The following CTBS variants were observed in gnomAD, a reference collection of about 807,000 sequenced individuals.
CTBS encodes chitobiase.
A neutral mutation model predicts 44.3 loss-of-function variants in CTBS; 35 were observed. That is an observed-to-expected ratio of 0.79 (90% CI 0.60 to 1.05). The LOEUF is 1.05. Among genes scored for constraint, CTBS ranks in the 50% least tolerant of loss-of-function variants. The pLI, the probability that CTBS is intolerant of heterozygous loss-of-function variation, is 0.00. For missense variants in CTBS, 458 were observed against 475.3 expected (o/e 0.96, Z 0.34); for synonymous variants, 143 against 168.0 (o/e 0.85, Z 1.15).
At chr1:84,574,080 C>T (rs1647394288) in intron 1 of CTBS, 159 bp downstream of exon 1, 2 of 1,451,748 alleles carry the variant, frequency 1.4e-6, no homozygotes, top group Admixed American at 2.8e-5. Flanking sequence ...CCCGAGCTTC[C>T]TCATCTATAA....
At chr1:84,573,853 G>C in intron 1 of CTBS, 1 of 1,074,324 alleles carries the variant, frequency 9.3e-7, no homozygotes, top group Non-Finnish European at 1.1e-6. Context: ...ATGTACTGTT[G>C]GAGTGCTGAG....
In CTBS at chr1:84,550,939, C is replaced by A; in HGVS notation, c.*4060G>T. 4.1e-6 allele frequency: 4 copies of A among 977,022 alleles called. No individual in the cohort carries two copies. Among genetic ancestry groups the A allele is most frequent in the Non-Finnish European group, 4.9e-6 (4 of 822,456 alleles). The allele number at this position is 977,022 out of a possible 1,614,324, so 60.5% of individuals were successfully genotyped here. On this transcript the variant is annotated 3_prime_UTR_variant, in exon 7 of 7. Transcript: ENST00000370630. Reference sequence around the variant, plus strand: ...TTTTCTGGTTATTTTCATATGTATTCTATTATTTAAATATGAATAATGTGT... The same window carrying A: ...TTTTCTGGTTATTTTCATATGTATTATATTATTTAAATATGAATAATGTGT...
chr1:84,563,909 C>A, intron 4 of CTBS, 77 bp from the exon 5 acceptor site: 1 of 1,437,318 alleles, frequency 7.0e-7, no homozygotes, highest in South Asian at 1.7e-5. Context: ...TGCAACCGTT[C>A]AGAATCTGTT....
intron 3 of CTBS, among the ~76,000 whole-genome samples, chr1:84,568,774 G>C (rs1647206976): frequency 6.6e-6 from 1 of 152,096 alleles, no homozygotes; most frequent in Non-Finnish European, 1.5e-5. Flanking sequence ...AGATCTGATT[G>C]TTTAAAAGTG....
At chr1:84,568,253 C>T (rs1250241081) in intron 3 of CTBS, among the ~76,000 whole-genome samples, 1 of 152,172 alleles carries the variant, frequency 6.6e-6, no homozygotes, top group East Asian at 1.9e-4. Context: ...GGTTGTTTCC[C>T]ATATATTCCA....
chr1:84,562,729 C>T (rs1306479183), intron 6 of CTBS, among the ~76,000 whole-genome samples: 1 of 151,992 alleles, frequency 6.6e-6, no homozygotes, highest in Non-Finnish European at 1.5e-5. Flanking sequence ...CTTCAGGTTT[C>T]CTTTATGTAA....
Position 84,570,101 on chromosome 1 carries a change from T to TAGA in CTBS, c.354_355insTCT (p.Phe118_Arg119insSer). The TAGA allele has an allele frequency of 1.2e-6, 2 of 1,613,468 alleles. No individual in the cohort carries two copies. Among genetic ancestry groups the TAGA allele is most frequent in the South Asian group, 1.1e-5 (1 of 91,032 alleles). ...AGTTTTTGAGCTATCCAGGATGCTC[T>TAGA]GAAAGCAGGATCAATGATATCCTTT... is the stretch of plus-strand genomic sequence containing the variant. On this transcript the variant is annotated inframe_insertion, in exon 3 of 7. Coordinates refer to ENST00000370630, the MANE Select transcript of CTBS (RefSeq NM_004388.3).
chr1:84,561,838 T>C (rs2102023129), intron 6 of CTBS, among the ~76,000 whole-genome samples: 1 of 152,376 alleles, frequency 6.6e-6, no homozygotes, highest in East Asian at 1.9e-4. Context: ...GTATGTACTT[T>C]TTTTAGACAT....
At position 84,553,534 on chromosome 1, in the gene CTBS, T is replaced by C. The variant is rs893581211; in HGVS notation, c.*1465A>G. 8 of 151,116 alleles carry C rather than the reference T, an allele frequency of 5.3e-5. No homozygotes were observed. Among genetic ancestry groups the C allele is most frequent in the Admixed American group, 6.6e-5 (1 of 15,236 alleles). 9.4% of individuals were successfully genotyped at this position (151,116 alleles called of 1,614,324 possible). ...TTAACTTAATTTGTTCATTATATCTTAATTAAAAGAAATCTGGAAATATAA... is the reference window on the plus strand; with the variant it reads ...TTAACTTAATTTGTTCATTATATCTCAATTAAAAGAAATCTGGAAATATAA... On this transcript the variant is annotated 3_prime_UTR_variant, in exon 7 of 7. Coordinates refer to ENST00000370630, the MANE Select transcript of CTBS (RefSeq NM_004388.3).
intron 6 of CTBS, among the ~76,000 whole-genome samples, chr1:84,558,238 A>G (rs1345117356): frequency 1.3e-5 from 2 of 152,154 alleles, no homozygotes; most frequent in East Asian, 3.9e-4. Flanking sequence ...GTATAGATAT[A>G]TCAAAACATC....
Position 84,553,958 on chromosome 1 carries a change from A to T in CTBS, c.*1041T>A, listed in dbSNP as rs1163214500. 1.3e-5 allele frequency: 2 copies of T among 152,178 alleles called. No homozygotes were observed. The highest frequency in any genetic ancestry group is 2.9e-5 in the Non-Finnish European group (2 of 68,016). 9.4% of individuals were successfully genotyped at this position (152,178 alleles called of 1,614,324 possible). A position where few individuals can be genotyped will look rare whatever the true frequency, so the allele number is the denominator to read the frequency against. On this transcript the variant is annotated 3_prime_UTR_variant, in exon 7 of 7. Transcript: ENST00000370630. ...TATAAAATTGATCTTTTAGAAAGAG[A>T]ACTAGTTGAGAAGCTAATCAGTGTC... is the stretch of plus-strand genomic sequence containing the variant.
At position 84,550,616 on chromosome 1, in the gene CTBS, T is replaced by C; in HGVS notation, c.*4383A>G. On this transcript the variant is annotated 3_prime_UTR_variant, in exon 7 of 7. Transcript: ENST00000370630. ...GTGTTTTAACTTTGGGTGTCAATAA[T>C]ATAAGGGTAGCCAGGATTGACTGTA... The C allele has an allele frequency of 7.3e-7, 1 of 1,364,516 alleles. No individual in the cohort carries two copies. Among genetic ancestry groups the C allele is most frequent in the Non-Finnish European group, 9.5e-7 (1 of 1,051,284 alleles). The allele number at this position is 1,364,516 out of a possible 1,614,324, so 84.5% of individuals were successfully genotyped here. A position where few individuals can be genotyped will look rare whatever the true frequency, so the allele number is the denominator to read the frequency against.
chr1:84,558,425 G>A (rs1390328765), intron 6 of CTBS, among the ~76,000 whole-genome samples: 1 of 150,068 alleles, frequency 6.7e-6, no homozygotes, highest in Non-Finnish European at 1.5e-5. Flanking sequence ...AAGTAGCTGG[G>A]ACTACAGGCG....
chr1:84,553,203 T>C lies in CTBS; in HGVS notation c.*1796A>G, dbSNP rs1684330382. ...AGATTTGTTTAACCATTATTCTCCTTGGCAATGTTTTATAAAAAGCACAAG... is the reference window on the plus strand; with the variant it reads ...AGATTTGTTTAACCATTATTCTCCTCGGCAATGTTTTATAAAAAGCACAAG... On this transcript the variant is annotated 3_prime_UTR_variant, in exon 7 of 7. Coordinates refer to ENST00000370630, the MANE Select transcript of CTBS (RefSeq NM_004388.3). 1.3e-6 allele frequency: 1 copy of C among 785,748 alleles called. No homozygotes were observed. Among genetic ancestry groups the C allele is most frequent in the South Asian group, 2.0e-5 (1 of 48,896 alleles). The allele number at this position is 785,748 out of a possible 1,614,324, so 48.7% of individuals were successfully genotyped here.
Position 84,551,277 on chromosome 1 carries a change from G to A in CTBS, c.*3722C>T. 1.0e-6 allele frequency: 1 copy of A among 981,764 alleles called. No individual in the cohort carries two copies. The highest frequency in any genetic ancestry group is 1.2e-6 in the Non-Finnish European group (1 of 826,836). 60.8% of individuals were successfully genotyped at this position (981,764 alleles called of 1,614,324 possible). On this transcript the variant is annotated 3_prime_UTR_variant, in exon 7 of 7. Coordinates refer to ENST00000370630, the MANE Select transcript of CTBS (RefSeq NM_004388.3). ...TTATCAGAAACAGCTTTATGACACA[G>A]AATAATGACTGCATTCTAGAATTAG...
intron 3 of CTBS, among the ~76,000 whole-genome samples, chr1:84,568,567 G>T (rs192395630): frequency 2.2e-3 from 330 of 152,234 alleles, no homozygotes; most frequent in Middle Eastern, 6.8e-3. Flanking sequence ...TAGGACACTT[G>T]GCAAAAATAC....
Position 84,555,218 on chromosome 1 carries a change from A to T in CTBS, c.958-19T>A. On this transcript the variant is annotated intron_variant, in intron 6 of 6. Transcript: ENST00000370630. The stretch of plus-strand genomic sequence containing the variant: ...CAGGATCCTATATAAATAAATTAAA[A>T]TGGAGATTTTAAAGTATTTAGTACA... 1 of 1,573,122 alleles carries T rather than the reference A, an allele frequency of 6.4e-7. No homozygotes were observed. The highest frequency in any genetic ancestry group is 1.4e-5 in the African/African-American group (1 of 73,546).
At position 84,555,002 on chromosome 1, in the gene CTBS, T is replaced by C. The variant is rs1684386756; in HGVS notation, c.1155A>G (p.Arg385=). 3.1e-6 allele frequency: 5 copies of C among 1,613,002 alleles called. No homozygotes were observed. Among genetic ancestry groups the C allele is most frequent in the Non-Finnish European group, 4.2e-6 (5 of 1,179,260 alleles). Residue 385 remains arginine (R), a synonymous_variant, in exon 7 of 7, where the codon AGA becomes AGG. Coordinates refer to ENST00000370630, the MANE Select transcript of CTBS (RefSeq NM_004388.3). Reference sequence around the variant, plus strand: ...TTAATGGTTTGACAAAAGATGTTCATCTCTGTAACAGCTTTGGCTTTAAGA... The same window carrying C: ...TTAATGGTTTGACAAAAGATGTTCACCTCTGTAACAGCTTTGGCTTTAAGA... The part of the protein sequence containing the change: ...WEVLKPKLLQ[R]
intron 6 of CTBS, among the ~76,000 whole-genome samples, chr1:84,562,286 C>T (rs1332129909): frequency 1.3e-5 from 2 of 152,148 alleles, no homozygotes; most frequent in African/African-American, 4.8e-5. Context: ...GTTCCCAGGA[C>T]AGACTAATAT....
Sources: gnomAD v4.1 joint callset for allele counts (sites outside exome capture counted in the v4.1 genomes callset) on GRCh38, gnomAD v4.1.1 for gene constraint, MANE v1.5 for transcripts, NCBI Gene and HGNC (gene_info 2026-07-23, HGNC 2026-07-21) for gene names.